ABCA13: variants seen among roughly 807,000 people sequenced by gnomAD.
ABCA13 encodes ATP binding cassette subfamily A member 13.
A neutral mutation model predicts 478.7 loss-of-function variants in ABCA13; 476 were observed. The observed-to-expected ratio is 0.99, with a 90% confidence interval of 0.92 to 1.07. The LOEUF (loss-of-function observed/expected upper bound fraction) is 1.07, where lower values mean the gene tolerates loss of function less well. Ranked by LOEUF, ABCA13 falls within the 50% of genes least tolerant of loss-of-function variation. The probability of loss-of-function intolerance (pLI) is 0.00; values close to 1 mark genes in which losing one functional copy is unlikely to be tolerated. For missense variants in ABCA13, 6,060 were observed against 5,910.6 expected (o/e 1.03, Z -0.83); for synonymous variants, 2,252 against 2,158.9 (o/e 1.04, Z -1.20).
chr7:48,528,371 G>A (rs200861321), intron 55 of ABCA13, 26 bp downstream of exon 55: 6 of 1,467,614 alleles, frequency 4.1e-6, no homozygotes, highest in Non-Finnish European at 1.8e-6. Context: ...CATCATTTTT[G>A]TTGCTTAAAG....
intron 38 of ABCA13, among the ~76,000 whole-genome samples, chr7:48,393,420 G>A (rs1269996416): frequency 6.6e-6 from 1 of 152,244 alleles, no homozygotes; most frequent in South Asian, 2.1e-4. Context: ...AGTGTGTGGG[G>A]AAGGGGCCCT....
intron 52 of ABCA13, 126 bp from the exon 53 acceptor site, chr7:48,519,915 T>A (rs1832416645): frequency 1.1e-6 from 1 of 920,484 alleles, no homozygotes; most frequent in East Asian, 2.7e-5. Flanking sequence ...AGAATATCAG[T>A]GAATAGTTGG....
At chr7:48,624,068 G>T (rs1394778659) in intron 59 of ABCA13, among the ~76,000 whole-genome samples, 1 of 150,840 alleles carries the variant, frequency 6.6e-6, no homozygotes, top group Non-Finnish European at 1.5e-5. Context: ...GAGTGTGTGT[G>T]TGTGTGTGTG....
chr7:48,181,928 A>G (rs991191839), intron 1 of ABCA13, among the ~76,000 whole-genome samples: 1 of 152,164 alleles, frequency 6.6e-6, no homozygotes, highest in African/African-American at 2.4e-5. Flanking sequence ...ATAAATGCGA[A>G]CTTGGGTTGA....
intron 35 of ABCA13, among the ~76,000 whole-genome samples, chr7:48,377,676 G>A (rs920404115): frequency 7.2e-5 from 11 of 151,920 alleles, no homozygotes; most frequent in African/African-American, 2.7e-4. Flanking sequence ...GATTTATTTA[G>A]GAAAAACTTA....
intron 59 of ABCA13, among the ~76,000 whole-genome samples, chr7:48,641,019 C>G (rs907415579): frequency 6.6e-6 from 1 of 151,952 alleles, no homozygotes; most frequent in African/African-American, 2.4e-5. Flanking sequence ...AATTCATGTT[C>G]TTCACAGTAA....
intron 1 of ABCA13, among the ~76,000 whole-genome samples, chr7:48,173,717 C>A (rs531071654): frequency 7.9e-5 from 12 of 152,364 alleles, no homozygotes; most frequent in Non-Finnish European, 1.8e-4. Context: ...TGACTGGGTT[C>A]ACATCCCAGC....
chr7:48,645,022 C>T (rs1299905146), intron 61 of ABCA13, among the ~76,000 whole-genome samples: 6 of 152,176 alleles, frequency 3.9e-5, no homozygotes, highest in Admixed American at 6.5e-5. Context: ...CGTTAACCTT[C>T]CTATCTCCAC....
intron 59 of ABCA13, among the ~76,000 whole-genome samples, chr7:48,620,292 A>G (rs1193248068): frequency 6.6e-6 from 1 of 152,222 alleles, no homozygotes; most frequent in Non-Finnish European, 1.5e-5. Context: ...AGGGACAGAT[A>G]CCAGTCAAAG....
intron 42 of ABCA13, among the ~76,000 whole-genome samples, chr7:48,445,078 A>C (rs1227750635): frequency 2.7e-5 from 4 of 149,660 alleles, no homozygotes; most frequent in Non-Finnish European, 1.5e-5. Context: ...GCGAGATCTC[A>C]GCTCACTGCA....
intron 39 of ABCA13, among the ~76,000 whole-genome samples, chr7:48,409,470 C>T (rs1818699358): frequency 6.6e-6 from 1 of 152,116 alleles, no homozygotes; most frequent in Admixed American, 6.5e-5. Flanking sequence ...ACTTTCCTGC[C>T]AGGAACACCC....
At chr7:48,422,153 C>A (rs571500892) in intron 41 of ABCA13, among the ~76,000 whole-genome samples, 1 of 151,334 alleles carries the variant, frequency 6.6e-6, no homozygotes, top group African/African-American at 2.4e-5. Flanking sequence ...TTGAGAGACC[C>A]TGTTCCCTTT....
intron 42 of ABCA13, among the ~76,000 whole-genome samples, chr7:48,441,389 G>A (rs10230009): frequency 0.3 from 45,290 of 152,002 alleles, 6,832 homozygotes; most frequent in East Asian, 0.38. Flanking sequence ...CTACTCCTGG[G>A]CTGCACCTGC....
At chr7:48,395,786 CAT>C (rs1816760568) in intron 38 of ABCA13, among the ~76,000 whole-genome samples, 1 of 152,210 alleles carries the variant, frequency 6.6e-6, no homozygotes, top group African/African-American at 2.4e-5. Context: ...ATGCATATAA[CAT>C]ACAAAAGAGG....
intron 33 of ABCA13, 38 bp downstream of exon 33, chr7:48,372,535 AAC>A: frequency 3.7e-6 from 5 of 1,365,844 alleles, no homozygotes; most frequent in Non-Finnish European, 5.0e-6. Flanking sequence ...AAAAAAAAAC[AAC>A]AAAATTGCAA....
intron 58 of ABCA13, among the ~76,000 whole-genome samples, chr7:48,608,706 G>A (rs997385677): frequency 1.3e-5 from 2 of 152,178 alleles, no homozygotes; most frequent in Admixed American, 6.5e-5. Context: ...GCATGTTTTC[G>A]AAACTAGGGA....
chr7:48,348,965 G>A (rs540994304), intron 29 of ABCA13, among the ~76,000 whole-genome samples: 6 of 152,212 alleles, frequency 3.9e-5, no homozygotes, highest in Admixed American at 1.3e-4. Flanking sequence ...TTGTAAGAAG[G>A]TGGACCCAAA....
chr7:48,291,038 T>TA (rs1184963370), intron 20 of ABCA13, among the ~76,000 whole-genome samples: 1 of 151,582 alleles, frequency 6.6e-6, no homozygotes, highest in East Asian at 1.9e-4. Flanking sequence ...AATGTGCATG[T>TA]AGCTTGGAGT....
rs1370220113 is a variant in ABCA13 at position 48,389,236 on chromosome 7, C to T, written c.11654+16C>T. The stretch of plus-strand genomic sequence containing the variant: ...CCACTATCATGTGGGTCCCATTTTA[C>T]CCTTATCAAACACTGGGCATTTGAT... On this transcript the variant is annotated intron_variant, in intron 37 of 61. Coordinates refer to ENST00000435803, the MANE Select transcript of ABCA13 (RefSeq NM_152701.5). 6.3e-7 allele frequency: 1 copy of T among 1,599,756 alleles called. No individual in the cohort carries two copies. Among genetic ancestry groups the T allele is most frequent in the Admixed American group, 1.7e-5 (1 of 58,198 alleles).
Sources: gnomAD v4.1 joint callset for allele counts (sites outside exome capture counted in the v4.1 genomes callset) on GRCh38, gnomAD v4.1.1 for gene constraint, MANE v1.5 for transcripts, NCBI Gene and HGNC (gene_info 2026-07-23, HGNC 2026-07-21) for gene names.